Variants in AAK1 observed in about 807,000 individuals in gnomAD.
AAK1 encodes the protein AP2-associated protein kinase 1.
AAK1 carries 37 observed loss-of-function variants against 116.0 expected under a neutral mutation model. That is an observed-to-expected ratio of 0.32 (90% CI 0.25 to 0.42). The LOEUF (loss-of-function observed/expected upper bound fraction) is 0.42, where lower values mean the gene tolerates loss of function less well. Ranked by LOEUF, AAK1 falls within the 10% of genes least tolerant of loss-of-function variation. AAK1 has a pLI of 1.00. For synonymous variants in AAK1, 458 were observed against 439.9 expected (o/e 1.04, Z -0.51); for missense variants, 919 against 1,170.6 (o/e 0.79, Z 3.14).
chr2:69,526,288 G>A (rs1374038995), intron 9 of AAK1, among the ~76,000 whole-genome samples: 1 of 152,122 alleles, frequency 6.6e-6, no homozygotes, highest in African/African-American at 2.4e-5. Context: ...AGCTCCACAT[G>A]GATGAACCCC....
At position 69,544,515 on chromosome 2, in the gene AAK1, C is replaced by T. The variant is rs753956600; in HGVS notation, c.312G>A (p.Val104=). The part of the protein sequence containing the change: ...MRDLSGHKNI[V]GYIDSSINNV... ...TGTTGATACTAGAATCAATGTAACC[C>T]ACAATATTCTTGTGCCCTGAAAGAT... is the stretch of plus-strand genomic sequence containing the variant. Residue 104 remains valine, a synonymous_variant, in exon 4 of 22, where the codon GTG becomes GTA. Transcript: ENST00000409085. The T allele has an allele frequency of 1.9e-6, 3 of 1,613,698 alleles. No homozygotes were observed. Among genetic ancestry groups the T allele is most frequent in the Admixed American group, 3.3e-5 (2 of 60,020 alleles).
rs1182283852 is a variant in AAK1 at position 69,507,433 on chromosome 2, T to G, written c.2152A>C (p.Lys718Gln). 3 of 1,612,692 alleles carry G rather than the reference T, an allele frequency of 1.9e-6. No homozygotes were observed. The East Asian group carries it at 6.7e-5, about 36-fold the overall frequency. The change falls in exon 15 of 22, where the codon AAG (lysine) becomes CAG (glutamine). Residue 718 changes from lysine to glutamine, a missense_variant. Lys to Gln is a moderately conservative substitution (Grantham distance 53). Coordinates refer to ENST00000409085, the MANE Select transcript of AAK1 (RefSeq NM_014911.5). ...AEELLNKDFA[K>Q]LGEGKHPEKL... is the part of the protein sequence containing the mutation. ...ACAGCTTACTCACCTTCCCCAAGCTTGGCAAAGTCCTTGTTTAGCAGTTCT... is the reference window on the plus strand; with the variant it reads ...ACAGCTTACTCACCTTCCCCAAGCTGGGCAAAGTCCTTGTTTAGCAGTTCT...
At chr2:69,516,393 G>T (rs776270071) in intron 12 of AAK1, among the ~76,000 whole-genome samples, 7 of 149,918 alleles carry the variant, frequency 4.7e-5, no homozygotes, top group African/African-American at 1.7e-4. Context: ...ATATAAATCC[G>T]AATTCATAAT....
intron 2 of AAK1, among the ~76,000 whole-genome samples, chr2:69,629,400 T>C (rs1427709566): frequency 6.6e-6 from 1 of 152,240 alleles, no homozygotes; most frequent in Non-Finnish European, 1.5e-5. Context: ...AGTTCCTTTA[T>C]ATAGCTAAGA....
rs140524324 is a variant in AAK1, at chr2:69,465,775, C to T, written c.*10094G>A. On this transcript the variant is annotated 3_prime_UTR_variant, in exon 22 of 22. Transcript: ENST00000409085. The stretch of plus-strand genomic sequence containing the variant: ...CTGGGAGAGATGCTGTCCAGATGGT[C>T]TGCTGCTTGTACAGAATGGGACAGG... 242 of 1,290,878 alleles carry T rather than the reference C, an allele frequency of 1.9e-4. 1 individual carries two copies. In the African/African-American group the frequency reaches 3.3e-3, roughly 18 times the overall value. 80.0% of individuals were successfully genotyped at this position (1,290,878 alleles called of 1,614,324 possible). A position where few individuals can be genotyped will look rare whatever the true frequency, so the allele number is the denominator to read the frequency against.
At chr2:69,608,502 T>C (rs1673915646) in intron 2 of AAK1, among the ~76,000 whole-genome samples, 3 of 152,254 alleles carry the variant, frequency 2.0e-5, no homozygotes, top group Admixed American at 2.0e-4. Flanking sequence ...TCAGTGTAAC[T>C]ATGATACTTA....
rs1315530242 is a variant in AAK1, at chr2:69,462,016, G to C, written c.*13853C>G. 1 of 152,404 alleles carries C rather than the reference G, an allele frequency of 6.6e-6. No individual in the cohort carries two copies. The highest frequency in any genetic ancestry group is 1.5e-5 in the Non-Finnish European group (1 of 68,320). 9.4% of individuals were successfully genotyped at this position (152,404 alleles called of 1,614,324 possible). ...ATTAAAATAGTCACTTGATTAGAAG[G>C]GAATTATCAAATAACCAAAGGAAAA... On this transcript the variant is annotated 3_prime_UTR_variant, in exon 22 of 22. Coordinates refer to ENST00000409085, the MANE Select transcript of AAK1 (RefSeq NM_014911.5).
chr2:69,630,338 GGT>G (rs1675113554), intron 2 of AAK1, among the ~76,000 whole-genome samples: 1 of 118,726 alleles, frequency 8.4e-6, no homozygotes, highest in African/African-American at 3.0e-5. Context: ...TGGGGCGGGG[GGT>G]GGGGGGGGAG....
At chr2:69,583,815 C>T (rs1672645742) in intron 2 of AAK1, among the ~76,000 whole-genome samples, 1 of 151,824 alleles carries the variant, frequency 6.6e-6, no homozygotes, top group African/African-American at 2.4e-5. Flanking sequence ...TGACTTCGTT[C>T]CACTTTTTCA....
At chr2:69,545,820 G>C (rs1182160237) in intron 3 of AAK1, among the ~76,000 whole-genome samples, 1 of 152,148 alleles carries the variant, frequency 6.6e-6, no homozygotes, top group Non-Finnish European at 1.5e-5. Context: ...AGAACAGATG[G>C]GATGGTGGTG....
intron 5 of AAK1, among the ~76,000 whole-genome samples, chr2:69,534,970 G>A (rs1489574274): frequency 6.6e-6 from 1 of 152,184 alleles, no homozygotes; most frequent in Non-Finnish European, 1.5e-5. Flanking sequence ...ACTGTGTTAT[G>A]CCTGTGCATC....
chr2:69,479,242 T>C (rs186718371), intron 19 of AAK1, among the ~76,000 whole-genome samples, 181 bp from the exon 20 acceptor site: 1 of 151,526 alleles, frequency 6.6e-6, no homozygotes, highest in African/African-American at 2.4e-5. Context: ...ATCTGTATCA[T>C]GAGATTAGAT....
chr2:69,539,420 G>A (rs1002520859), intron 5 of AAK1, among the ~76,000 whole-genome samples: 2 of 152,054 alleles, frequency 1.3e-5, no homozygotes, highest in African/African-American at 4.8e-5. Flanking sequence ...GCAGAACGGG[G>A]GCTACAGAGA....
chr2:69,469,590 T>C lies in AAK1; in HGVS notation c.*6279A>G. Reference sequence around the variant, plus strand: ...GTAACCAATGGCACGTCATAGCAGATACCCTGTGGCCATAGAGCTCAGTAA... The same window carrying C: ...GTAACCAATGGCACGTCATAGCAGACACCCTGTGGCCATAGAGCTCAGTAA... On this transcript the variant is annotated 3_prime_UTR_variant, in exon 22 of 22. Coordinates refer to ENST00000409085, the MANE Select transcript of AAK1 (RefSeq NM_014911.5). The C allele has an allele frequency of 1.0e-6, 1 of 985,462 alleles. No individual in the cohort carries two copies. Among genetic ancestry groups the C allele is most frequent in the South Asian group, 4.7e-5 (1 of 21,288 alleles). The allele number at this position is 985,462 out of a possible 1,614,324, so 61.0% of individuals were successfully genotyped here.
intron 2 of AAK1, among the ~76,000 whole-genome samples, chr2:69,642,582 C>T (rs1365170058): frequency 1.3e-5 from 2 of 152,086 alleles, no homozygotes; most frequent in African/African-American, 4.8e-5. Context: ...AAGCTTTACA[C>T]TTTCACACAT....
At chr2:69,490,122 G>A (rs1558904131) in intron 17 of AAK1, among the ~76,000 whole-genome samples, 1 of 152,164 alleles carries the variant, frequency 6.6e-6, no homozygotes, top group African/African-American at 2.4e-5. Flanking sequence ...ATGGGGCAAC[G>A]AATGTCTTCT....
intron 2 of AAK1, among the ~76,000 whole-genome samples, chr2:69,622,410 G>T (rs1218809081): frequency 6.6e-6 from 1 of 151,784 alleles, no homozygotes; most frequent in Non-Finnish European, 1.5e-5. Flanking sequence ...AACTGCCCAA[G>T]GGCTGAGGAG....
chr2:69,475,022 C>T lies in AAK1; in HGVS notation c.*847G>A. 4 of 950,222 alleles carry T rather than the reference C, an allele frequency of 4.2e-6. No individual in the cohort carries two copies. The highest frequency in any genetic ancestry group is 5.1e-5 in the South Asian group (1 of 19,746). 58.9% of individuals were successfully genotyped at this position (950,222 alleles called of 1,614,324 possible). On this transcript the variant is annotated 3_prime_UTR_variant, in exon 22 of 22. Transcript: ENST00000409085. ...TCTTCTAATAAAAGGTATCATATTACCACCGTCTTGTTTTGGTCTAATTCT... is the reference window on the plus strand; with the variant it reads ...TCTTCTAATAAAAGGTATCATATTATCACCGTCTTGTTTTGGTCTAATTCT...
Position 69,507,451 on chromosome 2 carries a change from GCAGTTCTT to G in AAK1, c.2126_2133del (p.Glu709AlafsTer22). The G allele has an allele frequency of 6.2e-7, 1 of 1,612,960 alleles. No individual in the cohort carries two copies. The highest frequency in any genetic ancestry group is 8.5e-7 in the Non-Finnish European group (1 of 1,179,466). ...CCAAGCTTGGCAAAGTCCTTGTTTA[GCAGTTCTT>G]CAGCTGTGAGTTTGGAGAAATTATC... On this transcript the variant is annotated frameshift_variant, in exon 15 of 22. Coordinates refer to ENST00000409085, the MANE Select transcript of AAK1 (RefSeq NM_014911.5). LOFTEE classifies it high-confidence loss of function.
Sources: gnomAD v4.1 joint callset for allele counts (sites outside exome capture counted in the v4.1 genomes callset) on GRCh38, gnomAD v4.1.1 for gene constraint, MANE v1.5 for transcripts, NCBI Gene and HGNC (gene_info 2026-07-23, HGNC 2026-07-21) for gene names.